Variants in STK39 observed in about 807,000 individuals in gnomAD.
STK39 encodes the protein serine/threonine kinase 39, also known as STE20/SPS1-related proline-alanine-rich protein kinase.
STK39 carries 20 observed loss-of-function variants against 77.8 expected under a neutral mutation model. The observed-to-expected ratio is 0.26, with a 90% CI of 0.18 to 0.37. The LOEUF (loss-of-function observed/expected upper bound fraction) is 0.37. Among genes scored for constraint, STK39 ranks in the 10% least tolerant of loss-of-function variants. STK39 has a pLI of 1.00. For missense variants in STK39, 479 were observed against 656.5 expected (o/e 0.73, Z 2.95); for synonymous variants, 246 against 234.1 (o/e 1.05, Z -0.47).
chr2:168,189,081 G>A (rs528771355), intron 1 of STK39, among the ~76,000 whole-genome samples: 16 of 152,208 alleles, frequency 1.1e-4, no homozygotes, highest in Admixed American at 9.2e-4. Flanking sequence ...AAAAGATTTA[G>A]AGCTTACCAA....
At chr2:168,215,661 C>G (rs1436623568) in intron 1 of STK39, among the ~76,000 whole-genome samples, 3 of 152,026 alleles carry the variant, frequency 2.0e-5, no homozygotes, top group Non-Finnish European at 4.4e-5. Flanking sequence ...TAATTAGTCA[C>G]GAATGTCAGT....
At position 168,159,844 on chromosome 2, in the gene STK39, G is replaced by T. The variant is rs141995733; in HGVS notation, c.628+1943C>A. Among the ~76,000 whole-genome samples the T allele has an allele frequency of 2.4e-3, 373 of 152,284 alleles. 4 individuals are homozygous for T. Among genetic ancestry groups the T allele is most frequent in the African/African-American group, 8.7e-3 (361 of 41,560 alleles). On this transcript the variant is annotated intron_variant, in intron 5 of 17. Coordinates refer to ENST00000355999, the MANE Select transcript of STK39 (RefSeq NM_013233.3). The stretch of plus-strand genomic sequence containing the variant: ...CTCAGCACATGCCAGGCATAGAAAA[G>T]GCACAGCCCTCTCTACACATCAATT...
At chr2:167,995,826 A>G (rs1313423308) in intron 16 of STK39, among the ~76,000 whole-genome samples, 3 of 152,154 alleles carry the variant, frequency 2.0e-5, no homozygotes, top group Non-Finnish European at 4.4e-5. Flanking sequence ...GGCACCAGAA[A>G]TTGTCAGAGA....
chr2:168,012,657 A>T lies in STK39; in HGVS notation c.1475T>A (p.Val492Glu). 6.2e-7 allele frequency: 1 copy of T among 1,613,788 alleles called. No individual in the cohort carries two copies. The highest frequency in any genetic ancestry group is 8.5e-7 in the Non-Finnish European group (1 of 1,179,804). The stretch of plus-strand genomic sequence containing the variant: ...ACCTATAACTACATCGTGACCATCC[A>T]CCAAGCCAGCAGAGAAGAGCTCCTG... ...VSQELFSAGL[V>E]DGHDVVIVAA... is the part of the protein sequence containing the mutation. Residue 492 changes from valine (V) to glutamate (E), a missense_variant, in exon 16 of 18, where the codon GTG (valine) becomes GAG (glutamate). By Grantham distance (121) the Val-to-Glu change is moderately radical. This residue lies in a region of STK39 where 244 missense variants were observed against 296.8 expected (regional missense o/e 0.82). Coordinates refer to ENST00000355999, the MANE Select transcript of STK39 (RefSeq NM_013233.3).
chr2:168,226,884 A>C (rs1294773710), intron 1 of STK39, among the ~76,000 whole-genome samples: 1 of 152,248 alleles, frequency 6.6e-6, no homozygotes, highest in Non-Finnish European at 1.5e-5. Context: ...AAAACTTGGA[A>C]ACAATCAATA....
intron 1 of STK39, among the ~76,000 whole-genome samples, chr2:168,240,887 AAGG>A (rs1221581256): frequency 2.0e-5 from 3 of 152,202 alleles, no homozygotes; most frequent in African/African-American, 7.2e-5. Flanking sequence ...GCCTTTCCAA[AAGG>A]AGAATGAAAG....
At chr2:168,035,493 G>A (rs548783462) in intron 14 of STK39, among the ~76,000 whole-genome samples, 26 of 152,264 alleles carry the variant, frequency 1.7e-4, no homozygotes, top group African/African-American at 5.3e-4. Context: ...TCGGCAGAAT[G>A]TCTAACAGGA....
At chr2:168,070,399 T>C (rs1357598292) in intron 12 of STK39, among the ~76,000 whole-genome samples, 2 of 152,132 alleles carry the variant, frequency 1.3e-5, no homozygotes, top group Non-Finnish European at 2.9e-5. Context: ...ATCTACTTGT[T>C]ATAAATTATT....
Position 168,247,331 on chromosome 2 carries a change from CGGCGCTGCTGTCGCGGCCGCCGGG to C in STK39, c.81_104del (p.Pro28_Pro35del). 1.9e-6 allele frequency: 2 copies of C among 1,039,300 alleles called. No homozygotes were observed. The highest frequency in any genetic ancestry group is 2.3e-6 in the Non-Finnish European group (2 of 862,012). 64.4% of individuals were successfully genotyped at this position (1,039,300 alleles called of 1,614,324 possible). On this transcript the variant is annotated inframe_deletion, in exon 1 of 18. Coordinates refer to ENST00000355999, the MANE Select transcript of STK39 (RefSeq NM_013233.3). ...CCGGGGCCGCGGGAGCTGCCGGGGC[CGGCGCTGCTGTCGCGGCCGCCGGG>C]GCCGCCGCCGCCGCCGCTGTCACCG... is the stretch of plus-strand genomic sequence containing the variant.
chr2:168,124,203 G>A (rs184879558), intron 10 of STK39, among the ~76,000 whole-genome samples: 3 of 152,312 alleles, frequency 2.0e-5, no homozygotes, highest in Non-Finnish European at 2.9e-5. Context: ...GATTAAGAAA[G>A]TTCAAGCAAT....
rs148635400 is a variant in STK39, at chr2:168,240,449, G to A, written c.208+6779C>T. Among the ~76,000 whole-genome samples, 43 of 152,282 alleles carry A rather than the reference G, an allele frequency of 2.8e-4. 1 individual carries two copies. The East Asian group carries it at 7.7e-3, about 27-fold the overall frequency. On this transcript the variant is annotated intron_variant, in intron 1 of 17. Transcript: ENST00000355999. ...TATTACAATAATCCAAATAAGAATC[G>A]ATAAGGGCCTGAACTAAACCAGTGG...
At chr2:168,204,746 G>C (rs918162001) in intron 1 of STK39, among the ~76,000 whole-genome samples, 3 of 152,180 alleles carry the variant, frequency 2.0e-5, no homozygotes, top group Admixed American at 1.3e-4. Context: ...AGGTAAAAAG[G>C]AGATGATCGT....
intron 14 of STK39, among the ~76,000 whole-genome samples, chr2:168,020,085 TGGTCTTAG>T (rs1271673412): frequency 6.6e-6 from 1 of 152,224 alleles, no homozygotes; most frequent in African/African-American, 2.4e-5. Flanking sequence ...TCAAACTTTT[TGGTCTTAG>T]GACACTTTTA....
At chr2:168,239,219 G>T (rs957001217) in intron 1 of STK39, among the ~76,000 whole-genome samples, 1 of 152,172 alleles carries the variant, frequency 6.6e-6, no homozygotes, top group South Asian at 2.1e-4. Flanking sequence ...GAACTTCAAG[G>T]TGAGTGTTAT....
intron 1 of STK39, among the ~76,000 whole-genome samples, 167 bp downstream of exon 1, chr2:168,247,061 T>TTA (rs1213358903): frequency 0.39 from 34,281 of 88,968 alleles, 8,452 homozygotes; most frequent in Non-Finnish European, 0.45. Context: ...CATTAAAAAT[T>TTA]AAAAAAAAAA....
At chr2:168,135,710 C>T (rs1687813608) in intron 8 of STK39, among the ~76,000 whole-genome samples, 1 of 152,194 alleles carries the variant, frequency 6.6e-6, no homozygotes, top group Non-Finnish European at 1.5e-5. Flanking sequence ...TCCATTCTTA[C>T]ATTGCATAGA....
chr2:168,172,613 T>C (rs867254045), intron 2 of STK39, among the ~76,000 whole-genome samples: 12 of 151,094 alleles, frequency 7.9e-5, no homozygotes, highest in Non-Finnish European at 8.8e-5. Flanking sequence ...TTTCTTTTGT[T>C]CCTAAGACCG....
rs1483235189 is a variant in STK39 at position 168,017,066 on chromosome 2, C to T, written c.1406G>A (p.Arg469Gln). ...RNSRKELNDI[R>Q]FEFTPGRDTA... ...ACCTCTTCCTGGAGTAAACTCAAATCGTATGTCATTAAGTTCCTTTCTGGA... is the reference window on the plus strand; with the variant it reads ...ACCTCTTCCTGGAGTAAACTCAAATTGTATGTCATTAAGTTCCTTTCTGGA... Residue 469 changes from arginine to glutamine, a missense_variant, in exon 15 of 18, where the codon CGA becomes CAA. Around this residue, in one of 3 missense-constraint regions of STK39, gnomAD observed 244 missense variants for 296.8 expected, o/e 0.82. Coordinates refer to ENST00000355999, the MANE Select transcript of STK39 (RefSeq NM_013233.3). 5 of 1,606,756 alleles carry T rather than the reference C, an allele frequency of 3.1e-6. No homozygotes were observed. In the South Asian group the frequency reaches 4.5e-5, roughly 14 times the overall value.
chr2:168,081,299 C>G (rs534607600), intron 10 of STK39, among the ~76,000 whole-genome samples: 1 of 152,316 alleles, frequency 6.6e-6, no homozygotes, highest in African/African-American at 2.4e-5. Context: ...GGGAACCCAT[C>G]TCTTGCATCA....
Sources: allele counts gnomAD v4.1 joint callset (sites outside exome capture counted in the v4.1 genomes callset), GRCh38; gene constraint gnomAD v4.1.1; regional missense constraint gnomAD v4.1.1; transcripts MANE v1.5; gene names NCBI Gene and HGNC (gene_info 2026-07-23, HGNC 2026-07-21).